Variants in GPC5 observed in about 807,000 individuals in gnomAD.
The protein encoded by GPC5 is glypican-5.
GPC5 carries 47 observed loss-of-function variants against 53.9 expected under a neutral mutation model. That is an observed-to-expected ratio of 0.87 (90% CI 0.69 to 1.11). GPC5 has a LOEUF of 1.11. Among genes scored for constraint, GPC5 ranks in the 50% most tolerant of loss-of-function variants. GPC5 has a pLI of 0.00. For missense variants in GPC5, 748 were observed against 713.1 expected (o/e 1.05, Z -0.56); for synonymous variants, 286 against 263.3 (o/e 1.09, Z -0.84).
At chr13:92,125,885 T>C (rs1023588198) in intron 6 of GPC5, among the ~76,000 whole-genome samples, 1 of 149,716 alleles carries the variant, frequency 6.7e-6, no homozygotes, top group Admixed American at 6.7e-5. Context: ...GATAGTAACA[T>C]GTAAAGATTA....
Position 92,857,435 on chromosome 13 carries a change from A to G in GPC5, c.1562-8847A>G, listed in dbSNP as rs576603714. On this transcript the variant is annotated intron_variant, in intron 7 of 7. Transcript: ENST00000377067. ...AAAAAATTTATGACCAAGTCCTTAAAAGCAATTGCAGCAGAAATAAAAGTT... is the reference window on the plus strand; with the variant it reads ...AAAAAATTTATGACCAAGTCCTTAAGAGCAATTGCAGCAGAAATAAAAGTT... 2.6e-5 allele frequency among the ~76,000 whole-genome samples: 4 copies of G among 152,294 alleles called. No individual in the cohort carries two copies. The South Asian group carries it at 8.3e-4, about 32-fold the overall frequency.
At chr13:91,664,525 A>AT (rs1444341054) in intron 2 of GPC5, among the ~76,000 whole-genome samples, 2 of 152,178 alleles carry the variant, frequency 1.3e-5, no homozygotes, top group Admixed American at 6.5e-5. Flanking sequence ...TTAGAGGCAA[A>AT]TTGCTATCTG....
chr13:91,882,609 G>C (rs556152765), intron 5 of GPC5, among the ~76,000 whole-genome samples: 1 of 147,896 alleles, frequency 6.8e-6, no homozygotes, highest in Non-Finnish European at 1.5e-5. Context: ...ATAGAATAGG[G>C]TAATAGAGTT....
At chr13:92,264,032 T>C (rs1426535466) in intron 7 of GPC5, among the ~76,000 whole-genome samples, 1 of 152,134 alleles carries the variant, frequency 6.6e-6, no homozygotes, top group Non-Finnish European at 1.5e-5. Context: ...ATTGTAAACA[T>C]ACAGAAAACA....
intron 2 of GPC5, among the ~76,000 whole-genome samples, chr13:91,627,428 T>C (rs1244326658): frequency 6.6e-6 from 1 of 152,052 alleles, no homozygotes; most frequent in East Asian, 1.9e-4. Context: ...AGTTCAACCA[T>C]TGTGGAAGAC....
intron 7 of GPC5, among the ~76,000 whole-genome samples, chr13:92,704,876 A>T (rs1219529493): frequency 6.6e-6 from 1 of 150,544 alleles, no homozygotes; most frequent in African/African-American, 2.4e-5. Flanking sequence ...ATATATATAT[A>T]CTCAATGTGT....
chr13:92,331,195 T>C (rs182495049), intron 7 of GPC5, among the ~76,000 whole-genome samples: 10 of 152,218 alleles, frequency 6.6e-5, no homozygotes, highest in Non-Finnish European at 1.5e-4. Flanking sequence ...AGTTTTTCTG[T>C]TTTTTTCCCC....
chr13:91,519,011 T>C (rs540367310), intron 2 of GPC5, among the ~76,000 whole-genome samples: 6 of 152,224 alleles, frequency 3.9e-5, no homozygotes, highest in Admixed American at 6.5e-5. Context: ...ATCCTGGAGA[T>C]CTAGTTTGAA....
At chr13:91,574,709 G>T (rs1207101034) in intron 2 of GPC5, among the ~76,000 whole-genome samples, 1 of 151,982 alleles carries the variant, frequency 6.6e-6, no homozygotes, top group Non-Finnish European at 1.5e-5. Context: ...CCTCTCAATT[G>T]CCATGAAAGT....
At chr13:92,792,444 A>G (rs539821689) in intron 7 of GPC5, among the ~76,000 whole-genome samples, 2 of 151,902 alleles carry the variant, frequency 1.3e-5, no homozygotes, top group East Asian at 3.9e-4. Context: ...ACCATGCCAA[A>G]TTGTAAAGAC....
intron 6 of GPC5, among the ~76,000 whole-genome samples, chr13:92,038,705 G>GATAA (rs749279718): frequency 1.3e-5 from 2 of 151,550 alleles, no homozygotes; most frequent in African/African-American, 2.4e-5. Context: ...TAGATAGATA[G>GATAA]ATAGATAGAT....
At chr13:92,362,883 C>T (rs2043579410) in intron 7 of GPC5, among the ~76,000 whole-genome samples, 1 of 151,776 alleles carries the variant, frequency 6.6e-6, no homozygotes, top group African/African-American at 2.4e-5. Context: ...TGTGCTTCCA[C>T]TTCTGTCCAA....
chr13:91,944,053 A>C (rs2039952577), intron 6 of GPC5, among the ~76,000 whole-genome samples: 1 of 151,496 alleles, frequency 6.6e-6, no homozygotes, highest in Admixed American at 6.6e-5. Flanking sequence ...GAACTATTTG[A>C]TTTTGATTTT....
intron 7 of GPC5, among the ~76,000 whole-genome samples, chr13:92,317,624 G>T (rs1323726845): frequency 1.3e-5 from 2 of 152,026 alleles, no homozygotes; most frequent in Non-Finnish European, 2.9e-5. Flanking sequence ...CTCCTGAGAA[G>T]CTGGGCTTAC....
chr13:92,802,029 A>G (rs1321904642), intron 7 of GPC5, among the ~76,000 whole-genome samples: 1 of 151,848 alleles, frequency 6.6e-6, no homozygotes, highest in African/African-American at 2.4e-5. Flanking sequence ...AGTGTACAAT[A>G]ATGTCCTAGG....
chr13:92,283,094 G>T (rs9523591), intron 7 of GPC5, among the ~76,000 whole-genome samples: 1 of 151,992 alleles, frequency 6.6e-6, no homozygotes, highest in Non-Finnish European at 1.5e-5. Flanking sequence ...TTGCAATCCT[G>T]GTCTCTGATA....
rs539108631 is a variant in GPC5 at position 92,067,395 on chromosome 13, C to T, written c.1402-77435C>T. On this transcript the variant is annotated intron_variant, in intron 6 of 7. Coordinates refer to ENST00000377067, the MANE Select transcript of GPC5 (RefSeq NM_004466.6). ...ATTGTAATTCTTTAATTCTGGTATG[C>T]GTGCAACATCCCTTGTGTATGCAAA... is the stretch of plus-strand genomic sequence containing the variant. Among the ~76,000 whole-genome samples, 59 of 151,942 alleles carry T rather than the reference C, an allele frequency of 3.9e-4. 1 individual carries two copies. Among genetic ancestry groups the T allele is most frequent in the Non-Finnish European group, 7.4e-4 (50 of 67,890 alleles).
intron 7 of GPC5, among the ~76,000 whole-genome samples, chr13:92,306,347 T>A (rs1331438016): frequency 6.6e-6 from 1 of 152,160 alleles, no homozygotes; most frequent in Non-Finnish European, 1.5e-5. Flanking sequence ...TGGACCTTCT[T>A]TTGAGATGTT....
chr13:92,007,557 C>T (rs2040618721), intron 6 of GPC5, among the ~76,000 whole-genome samples: 1 of 152,048 alleles, frequency 6.6e-6, no homozygotes, highest in Non-Finnish European at 1.5e-5. Flanking sequence ...ATTCGTTTGT[C>T]ACCAATATTA....
Sources: allele counts gnomAD v4.1 joint callset (sites outside exome capture counted in the v4.1 genomes callset), GRCh38; gene constraint gnomAD v4.1.1; transcripts MANE v1.5; gene names NCBI Gene and HGNC (gene_info 2026-07-23, HGNC 2026-07-21).